The following COL9A2 variants were observed in gnomAD, a reference collection of about 807,000 sequenced individuals.
COL9A2 encodes the protein collagen alpha-2(IX) chain.
A neutral mutation model predicts 111.6 loss-of-function variants in COL9A2; 66 were observed. That is an observed-to-expected ratio of 0.59 (90% CI 0.48 to 0.73). COL9A2 has a LOEUF of 0.73. COL9A2 is among the 30% of genes least tolerant of loss of function. The pLI, the probability that COL9A2 is intolerant of heterozygous loss-of-function variation, is 0.00. For synonymous variants in COL9A2, 353 were observed against 364.1 expected, an observed-to-expected ratio of 0.97 and a Z score of 0.35; for missense variants, 881 against 954.1, an observed-to-expected ratio of 0.92 and a Z score of 1.01.
chr1:40,303,598 G>C lies in COL9A2; in HGVS notation c.1480C>G (p.Pro494Ala). 1 of 1,607,212 alleles carries C rather than the reference G, an allele frequency of 6.2e-7. No individual in the cohort carries two copies. Among genetic ancestry groups the C allele is most frequent in the Non-Finnish European group, 8.5e-7 (1 of 1,177,680 alleles). Residue 494 changes from proline to alanine, a missense_variant, in exon 28 of 32, where the codon CCC becomes GCC. Pro to Ala is a conservative substitution (Grantham distance 27). Transcript: ENST00000372748. The surrounding 1 kb of genome is among the most constrained non-coding windows in gnomAD (Gnocchi z 4.6). ...CCGGCCAGTCCTCGAGGGCCGGGGGGACCAGGGTAGCCCTGAACCCCTGGG... is the reference window on the plus strand; with the variant it reads ...CCGGCCAGTCCTCGAGGGCCGGGGGCACCAGGGTAGCCCTGAACCCCTGGG... The part of the protein sequence containing the change: ...GAPGVQGYPG[P>A]PGPRGLAGNR...
chr1:40,309,660 A>G (rs1286124436), intron 16 of COL9A2, among the ~76,000 whole-genome samples: 1 of 151,704 alleles, frequency 6.6e-6, no homozygotes, highest in Non-Finnish European at 1.5e-5. Flanking sequence ...ACACACACAT[A>G]CATACACTCA....
chr1:40,309,869 A>AG, intron 16 of COL9A2, 69 bp downstream of exon 16: 1 of 1,497,460 alleles, frequency 6.7e-7, no homozygotes, highest in Non-Finnish European at 9.3e-7. Context: ...ACACAGCCTT[A>AG]GGGGGTGCCT....
Position 40,310,732 on chromosome 1 carries a change from T to C in COL9A2, c.666A>G (p.Gln222=). 1 of 1,566,506 alleles carries C rather than the reference T, an allele frequency of 6.4e-7. No individual in the cohort carries two copies. Among genetic ancestry groups the C allele is most frequent in the South Asian group, 1.2e-5 (1 of 84,824 alleles). Reference sequence around the variant, plus strand: ...TCCTTACCGGTGGTCCAGGGATGCCTTGCTCTCCAGAGGCACCCACATCTC... The same window carrying C: ...TCCTTACCGGTGGTCCAGGGATGCCCTGCTCTCCAGAGGCACCCACATCTC... The part of the protein sequence containing the change: ...PKGDVGASGE[Q]GIPGPPGPQG... Residue 222 remains glutamine, a synonymous_variant, in exon 13 of 32, where the codon CAA becomes CAG. Coordinates refer to ENST00000372748, the MANE Select transcript of COL9A2 (RefSeq NM_001852.4). The surrounding 1 kb of genome is among the most constrained non-coding windows in gnomAD (Gnocchi z 4.9).
At position 40,314,082 on chromosome 1, in the gene COL9A2, C is replaced by T. The variant is rs1005851406; in HGVS notation, c.249+123G>A. The T allele has an allele frequency of 1.8e-6, 2 of 1,083,468 alleles. No homozygotes were observed. Among genetic ancestry groups the T allele is most frequent in the Non-Finnish European group, 2.9e-6 (2 of 699,772 alleles). 67.1% of individuals were successfully genotyped at this position (1,083,468 alleles called of 1,614,324 possible). ...AAGTCATATCAAGGTGAGGGGGGCTCACAGCTGGAGAATCTCCATCCTGCT... is the reference window on the plus strand; with the variant it reads ...AAGTCATATCAAGGTGAGGGGGGCTTACAGCTGGAGAATCTCCATCCTGCT... On this transcript the variant is annotated intron_variant, in intron 4 of 31. Transcript: ENST00000372748. This position sits in a 1 kb window ranked among gnomAD's most constrained non-coding sequence, Gnocchi z 4.1.
rs1644107556 is a variant in COL9A2, at chr1:40,310,622, T to TTTAC, written c.684+88_684+91dup. The stretch of plus-strand genomic sequence containing the variant: ...CTCCCAGCTAGACACAGGTGTCTCT[T>TTTAC]TTACAAGCTAGAGGCCTGAGCAGGG... On this transcript the variant is annotated intron_variant, in intron 13 of 31. Transcript: ENST00000372748. This position sits in a 1 kb window ranked among gnomAD's most constrained non-coding sequence, Gnocchi z 4.9. 25 of 1,184,908 alleles carry TTTAC rather than the reference T, an allele frequency of 2.1e-5. No individual in the cohort carries two copies. The highest frequency in any genetic ancestry group is 3.1e-5 in the Non-Finnish European group (25 of 813,128). 73.4% of individuals were successfully genotyped at this position (1,184,908 alleles called of 1,614,324 possible). A position where few individuals can be genotyped will look rare whatever the true frequency, so the allele number is the denominator to read the frequency against.
rs1335741422 is a variant in COL9A2 at position 40,311,532 on chromosome 1, T to A, written c.487A>T (p.Ile163Phe). The part of the protein sequence containing the change: ...PPGKPGRPGT[I>F]QGLEGSADFL... ...TCCGCACTGCCTTCCAGACCCTGGA[T>A]GGTTCCCGGGCGACCCTGAGAGGAG... is the stretch of plus-strand genomic sequence containing the variant. Residue 163 changes from isoleucine to phenylalanine, a missense_variant, in exon 10 of 32, where the codon ATC becomes TTC. Physicochemically the swap from Ile to Phe is conservative, Grantham distance 21. Transcript: ENST00000372748. The surrounding 1 kb of genome is among the most constrained non-coding windows in gnomAD (Gnocchi z 5.1). 1 of 1,610,774 alleles carries A rather than the reference T, an allele frequency of 6.2e-7. No individual in the cohort carries two copies.
rs1181152039 is a variant in COL9A2, at chr1:40,303,901, C to T, written c.1368+27G>A. 6.4e-7 allele frequency: 1 copy of T among 1,550,732 alleles called. No individual in the cohort carries two copies. Among genetic ancestry groups the T allele is most frequent in the Admixed American group, 2.0e-5 (1 of 51,032 alleles). The stretch of plus-strand genomic sequence containing the variant: ...GGACCCCGGGGCCAGCCGCCGCTCC[C>T]CGCCCTTCCCTAGGCCGCGCGCTCA... On this transcript the variant is annotated intron_variant, in intron 26 of 31. Transcript: ENST00000372748. The surrounding 1 kb of genome is among the most constrained non-coding windows in gnomAD (Gnocchi z 4.6).
rs900821982 is a variant in COL9A2, at chr1:40,302,947, G to A, written c.1604-138C>T. The A allele has an allele frequency of 1.8e-6, 2 of 1,138,608 alleles. No homozygotes were observed. Among genetic ancestry groups the A allele is most frequent in the African/African-American group, 1.5e-5 (1 of 65,484 alleles). 70.5% of individuals were successfully genotyped at this position (1,138,608 alleles called of 1,614,324 possible). A position where few individuals can be genotyped will look rare whatever the true frequency, so the allele number is the denominator to read the frequency against. ...AAAAGCACCACCTTCCGTGGGCTCT[G>A]TTTTGCGGAAGTCAAAGGCCCAGAG... On this transcript the variant is annotated intron_variant, in intron 29 of 31. Coordinates refer to ENST00000372748, the MANE Select transcript of COL9A2 (RefSeq NM_001852.4). The surrounding 1 kb of genome is among the most constrained non-coding windows in gnomAD (Gnocchi z 4.5).
At chr1:40,313,161 CTTTTT>C (rs1361438107) in intron 4 of COL9A2, among the ~76,000 whole-genome samples, 1 of 149,426 alleles carries the variant, frequency 6.7e-6, no homozygotes, top group African/African-American at 2.4e-5. Context: ...TTTCTCTTTT[CTTTTT>C]CTTTCTTTTT....
At position 40,307,211 on chromosome 1, in the gene COL9A2, AG is replaced by A. The variant is rs775064292; in HGVS notation, c.1008+234del. Among the ~76,000 whole-genome samples, 3 of 152,166 alleles carry A rather than the reference AG, an allele frequency of 2.0e-5. No individual in the cohort carries two copies. The highest frequency in any genetic ancestry group is 4.4e-5 in the Non-Finnish European group (3 of 68,030). ...CCTGGAGGCGGTGGGGAGCCATGGA[AG>A]GTGCTATAGTGCAGAAATGGTCAGA... On this transcript the variant is annotated intron_variant, in intron 19 of 31. Coordinates refer to ENST00000372748, the MANE Select transcript of COL9A2 (RefSeq NM_001852.4). The surrounding 1 kb of genome is among the most constrained non-coding windows in gnomAD (Gnocchi z 4.8).
chr1:40,302,374 G>A lies in COL9A2; in HGVS notation c.1792+247C>T, dbSNP rs1189242276. 6.6e-6 allele frequency among the ~76,000 whole-genome samples: 1 copy of A among 152,152 alleles called. No homozygotes were observed. Among genetic ancestry groups the A allele is most frequent in the African/African-American group, 2.4e-5 (1 of 41,420 alleles). ...TCTGCCGCCCCATCTCTATTGACAT[G>A]GAAAGATGCTTATGGGGTACCACTA... On this transcript the variant is annotated intron_variant, in intron 30 of 31. Coordinates refer to ENST00000372748, the MANE Select transcript of COL9A2 (RefSeq NM_001852.4). This position sits in a 1 kb window ranked among gnomAD's most constrained non-coding sequence, Gnocchi z 4.5.
chr1:40,313,228 G>A (rs569135548), intron 4 of COL9A2, among the ~76,000 whole-genome samples: 1 of 151,880 alleles, frequency 6.6e-6, no homozygotes, highest in East Asian at 1.9e-4. Context: ...GAGTGCAGTG[G>A]CACAGTCTCA....
rs901123053 is a variant in COL9A2, at chr1:40,303,179, C to G, written c.1555G>C (p.Asp519His). The part of the protein sequence containing the change: ...QPGRQGVEGR[D>H]ATDQHIVDVA... ...TCCACGATGTGCTGGTCAGTGGCATCCCGGCCCTGAAAGCAGAGGCCTTTC... is the reference window on the plus strand; with the variant it reads ...TCCACGATGTGCTGGTCAGTGGCATGCCGGCCCTGAAAGCAGAGGCCTTTC... The change falls in exon 29 of 32, where the codon GAT (aspartate) becomes CAT (histidine). Residue 519 changes from aspartate (D) to histidine (H), a missense_variant. Asp to His is a moderately conservative substitution (Grantham distance 81, BLOSUM62 -1). Transcript: ENST00000372748. This position sits in a 1 kb window ranked among gnomAD's most constrained non-coding sequence, Gnocchi z 4.6. The G allele has an allele frequency of 5.6e-6, 9 of 1,611,544 alleles. No homozygotes were observed. Among genetic ancestry groups the G allele is most frequent in the Non-Finnish European group, 5.9e-6 (7 of 1,178,968 alleles).
chr1:40,301,798 G>C lies in COL9A2; in HGVS notation c.1870+14C>G. ...TGAGGAACACACTGCAGCTGGGCAG[G>C]GCCAATGGCTTACCTGGGATCCCTG... On this transcript the variant is annotated intron_variant, in intron 31 of 31. Transcript: ENST00000372748. 1 of 1,613,410 alleles carries C rather than the reference G, an allele frequency of 6.2e-7. No individual in the cohort carries two copies. The highest frequency in any genetic ancestry group is 8.5e-7 in the Non-Finnish European group (1 of 1,179,440).
At position 40,311,249 on chromosome 1, in the gene COL9A2, G is replaced by C. The variant is rs1377296737; in HGVS notation, c.557C>G (p.Pro186Arg). The C allele has an allele frequency of 2.5e-6, 4 of 1,614,122 alleles. No individual in the cohort carries two copies. Among genetic ancestry groups the C allele is most frequent in the South Asian group, 1.1e-5 (1 of 91,070 alleles). The change falls in exon 11 of 32, where the codon CCA becomes CGA. Residue 186 changes from proline to arginine, a missense_variant. Transcript: ENST00000372748. This position sits in a 1 kb window ranked among gnomAD's most constrained non-coding sequence, Gnocchi z 5.1. ...TCTCACCTTCACTCCCTGCAGCCCT[G>C]GGGGACCTTTCATTCCGGGTGGACA... ...TNCPPGMKGPPGLQGVKGHAG... is the reference protein window; with the variant it reads ...TNCPPGMKGPRGLQGVKGHAG...
At position 40,316,906 on chromosome 1, in the gene COL9A2, G is replaced by C. The variant is rs1420527464; in HGVS notation, c.75+217C>G. On this transcript the variant is annotated intron_variant, in intron 1 of 31. Transcript: ENST00000372748. The surrounding 1 kb of genome is among the most constrained non-coding windows in gnomAD (Gnocchi z 5.5). ...CGGGCCGGGCCGCGCGTCTGGGGACGGGTCCCGTTTGACTCTCCGGCTCAG... is the reference window on the plus strand; with the variant it reads ...CGGGCCGGGCCGCGCGTCTGGGGACCGGTCCCGTTTGACTCTCCGGCTCAG... Among the ~76,000 whole-genome samples, 1 of 152,170 alleles carries C rather than the reference G, an allele frequency of 6.6e-6. No homozygotes were observed. Among genetic ancestry groups the C allele is most frequent in the South Asian group, 2.1e-4 (1 of 4,832 alleles).
chr1:40,311,245 C>T lies in COL9A2; in HGVS notation c.561G>A (p.Gly187=), dbSNP rs1328567345. 6.2e-7 allele frequency: 1 copy of T among 1,614,068 alleles called. No individual in the cohort carries two copies. Among genetic ancestry groups the T allele is most frequent in the African/African-American group, 1.3e-5 (1 of 74,920 alleles). ...NCPPGMKGPP[G]LQGVKGHAGK... Reference sequence around the variant, plus strand: ...GAGCTCTCACCTTCACTCCCTGCAGCCCTGGGGGACCTTTCATTCCGGGTG... The same window carrying T: ...GAGCTCTCACCTTCACTCCCTGCAGTCCTGGGGGACCTTTCATTCCGGGTG... The change falls in exon 11 of 32, where the codon GGG becomes GGA. Residue 187 remains glycine, a synonymous_variant. Transcript: ENST00000372748. This position sits in a 1 kb window ranked among gnomAD's most constrained non-coding sequence, Gnocchi z 5.1.
Position 40,311,914 on chromosome 1 carries a change from G to A in COL9A2, c.417+145C>T. ...CCCTAAAAGACCTAGTGCCGGGTGGGCTCATAGGAGGGGTTTCTGCCCCAG... is the reference window on the plus strand; with the variant it reads ...CCCTAAAAGACCTAGTGCCGGGTGGACTCATAGGAGGGGTTTCTGCCCCAG... On this transcript the variant is annotated intron_variant, in intron 8 of 31. Coordinates refer to ENST00000372748, the MANE Select transcript of COL9A2 (RefSeq NM_001852.4). This position sits in a 1 kb window ranked among gnomAD's most constrained non-coding sequence, Gnocchi z 5.1. 1 of 1,022,334 alleles carries A rather than the reference G, an allele frequency of 9.8e-7. No individual in the cohort carries two copies. The allele number at this position is 1,022,334 out of a possible 1,614,324, so 63.3% of individuals were successfully genotyped here.
chr1:40,312,112 C>A lies in COL9A2; in HGVS notation c.364G>T (p.Gly122Trp). 1 of 1,600,358 alleles carries A rather than the reference C, an allele frequency of 6.2e-7. No individual in the cohort carries two copies. Among genetic ancestry groups the A allele is most frequent in the South Asian group, 1.1e-5 (1 of 87,730 alleles). ...LPGPGFAGPP[G>W]PPGPVGLPGE... ...GGGAGGCCAACAGGTCCAGGAGGCCCCTGGGGAGCAGAGAGTTGATGGTCA... is the reference window on the plus strand; with the variant it reads ...GGGAGGCCAACAGGTCCAGGAGGCCACTGGGGAGCAGAGAGTTGATGGTCA... Residue 122 changes from glycine (G) to tryptophan (W), a missense_variant and splice_region_variant, in exon 8 of 32, where the codon GGG becomes TGG. Gly to Trp is a radical substitution (Grantham distance 184). Transcript: ENST00000372748. This position sits in a 1 kb window ranked among gnomAD's most constrained non-coding sequence, Gnocchi z 6.0.
Sources: allele counts gnomAD v4.1 joint callset (sites outside exome capture counted in the v4.1 genomes callset), GRCh38; gene constraint gnomAD v4.1.1; non-coding constraint Gnocchi (gnomAD v3.1); transcripts MANE v1.5; gene names NCBI Gene and HGNC (gene_info 2026-07-23, HGNC 2026-07-21).